The following ASCC2 variants were observed in gnomAD, a reference collection of about 807,000 sequenced individuals.
ASCC2 encodes the protein ASC-1 complex subunit P100.
Under a neutral mutation model 93.5 loss-of-function variants are expected in ASCC2, and 42 were observed. The observed-to-expected ratio is 0.45, with a 90% CI of 0.35 to 0.58. The LOEUF (loss-of-function observed/expected upper bound fraction) is 0.58, where lower values mean the gene tolerates loss of function less well. Among genes scored for constraint, ASCC2 ranks in the 20% least tolerant of loss-of-function variants. The pLI, the probability that ASCC2 is intolerant of heterozygous loss-of-function variation, is 0.00. For synonymous variants in ASCC2, 364 were observed against 384.2 expected, an observed-to-expected ratio of 0.95 and a Z score of 0.62; for missense variants, 859 against 977.6, an observed-to-expected ratio of 0.88 and a Z score of 1.62.
intron 6 of ASCC2, 120 bp downstream of exon 6, chr22:29,815,886 G>T: frequency 1.2e-6 from 1 of 801,984 alleles, no homozygotes; most frequent in South Asian, 1.6e-5. Context: ...GGGGAGATGC[G>T]AGAGTCAGGG....
intron 13 of ASCC2, 23 bp downstream of exon 13, chr22:29,804,615 A>G (rs2059465225): frequency 6.2e-7 from 1 of 1,608,046 alleles, no homozygotes. Flanking sequence ...GCGAAGAGGG[A>G]AAAGCGCCAC....
intron 8 of ASCC2, among the ~76,000 whole-genome samples, chr22:29,812,767 T>C (rs1424460493): frequency 6.6e-6 from 1 of 152,182 alleles, no homozygotes; most frequent in Non-Finnish European, 1.5e-5. Context: ...AAGATACCTG[T>C]TCCTTCAAGA....
chr22:29,822,247 G>A (rs1285665880), intron 5 of ASCC2, 88 bp downstream of exon 5: 4 of 1,557,974 alleles, frequency 2.6e-6, no homozygotes, highest in African/African-American at 1.4e-5. Flanking sequence ...GAGTCCCTGG[G>A]CACTGTCAAA....
intron 9 of ASCC2, among the ~76,000 whole-genome samples, chr22:29,807,410 G>T (rs1254327167): frequency 6.6e-6 from 1 of 152,142 alleles, no homozygotes; most frequent in African/African-American, 2.4e-5. Flanking sequence ...CTGCTTCCAG[G>T]GCTGCTTCTC....
chr22:29,791,114 A>G (rs889121025), intron 18 of ASCC2, among the ~76,000 whole-genome samples: 3 of 152,186 alleles, frequency 2.0e-5, no homozygotes, highest in African/African-American at 7.2e-5. Flanking sequence ...TGTAGTTTAC[A>G]TCTGTAATCC....
intron 8 of ASCC2, chr22:29,809,889 C>T (rs1176413070): frequency 1.3e-5 from 2 of 152,154 alleles, no homozygotes; most frequent in Admixed American, 1.3e-4. Flanking sequence ...GCTAGCAGCT[C>T]CCTACCTCTT....
In ASCC2 at chr22:29,801,977, C is replaced by T; in HGVS notation, c.1568+17G>A. The T allele has an allele frequency of 6.4e-7, 1 of 1,567,020 alleles. No homozygotes were observed. Among genetic ancestry groups the T allele is most frequent in the Non-Finnish European group, 8.7e-7 (1 of 1,154,506 alleles). ...CAGCCTGGGCAGCGGGAGCCTCCTCCCACCTGTCTCTCCCACCTGTCTAGG... is the reference window on the plus strand; with the variant it reads ...CAGCCTGGGCAGCGGGAGCCTCCTCTCACCTGTCTCTCCCACCTGTCTAGG... On this transcript the variant is annotated intron_variant, in intron 14 of 19. Transcript: ENST00000307790.
At chr22:29,835,208 G>C (rs2063624885) in intron 1 of ASCC2, among the ~76,000 whole-genome samples, 5 of 152,078 alleles carry the variant, frequency 3.3e-5, no homozygotes, top group Admixed American at 3.3e-4. Context: ...ACCAGCCTAA[G>C]CAACATAGTG....
chr22:29,823,014 C>T (rs2148181962), intron 4 of ASCC2, among the ~76,000 whole-genome samples: 1 of 151,154 alleles, frequency 6.6e-6, no homozygotes, highest in African/African-American at 2.4e-5. Context: ...GCCACAGTGC[C>T]CAGCCTCCCC....
intron 2 of ASCC2, among the ~76,000 whole-genome samples, chr22:29,828,837 T>G (rs1402471470): frequency 6.6e-6 from 1 of 152,200 alleles, no homozygotes; most frequent in African/African-American, 2.4e-5. Context: ...CATGCATGCA[T>G]ACAGATGGAA....
At chr22:29,816,206 C>T (rs896410380) in intron 5 of ASCC2, 133 bp from the exon 6 acceptor site, 16 of 739,090 alleles carry the variant, frequency 2.2e-5, no homozygotes, top group African/African-American at 8.7e-5. Context: ...CAGCTAGGAC[C>T]TAGGACGAGT....
intron 5 of ASCC2, 169 bp downstream of exon 5, chr22:29,822,166 C>T (rs1442784255): frequency 5.1e-6 from 4 of 786,862 alleles, no homozygotes; most frequent in African/African-American, 1.7e-5. Context: ...AGTGTCACTA[C>T]CTAGTCATTT....
chr22:29,838,134 G>A, intron 1 of ASCC2, 44 bp downstream of exon 1: 1 of 460,298 alleles, frequency 2.2e-6, no homozygotes, highest in Non-Finnish European at 4.4e-6. Flanking sequence ...GGCTCCTCCG[G>A]GGTCCCTTGC....
chr22:29,794,400 G>A (rs1007266774), intron 15 of ASCC2, among the ~76,000 whole-genome samples: 3 of 151,956 alleles, frequency 2.0e-5, no homozygotes, highest in Non-Finnish European at 4.4e-5. Flanking sequence ...GCTGAGCCAG[G>A]AGAATCGCTT....
intron 6 of ASCC2, among the ~76,000 whole-genome samples, chr22:29,814,987 G>A (rs2060671098): frequency 2.0e-5 from 3 of 152,208 alleles, no homozygotes; most frequent in African/African-American, 7.2e-5. Context: ...TTAAAGGAGG[G>A]CGAAGAGGAT....
chr22:29,823,825 C>CA (rs1207435850), intron 4 of ASCC2, among the ~76,000 whole-genome samples: 1 of 134,312 alleles, frequency 7.4e-6, no homozygotes, highest in Non-Finnish European at 1.6e-5. Flanking sequence ...CCAGCCTGGG[C>CA]AACAAGAGTG....
At chr22:29,833,377 G>A (rs552907616) in intron 1 of ASCC2, among the ~76,000 whole-genome samples, 1 of 152,258 alleles carries the variant, frequency 6.6e-6, no homozygotes, top group East Asian at 1.9e-4. Flanking sequence ...AACCTTTCTA[G>A]GCTTCAGGGA....
chr22:29,822,181 G>A, intron 5 of ASCC2, 154 bp downstream of exon 5: 15 of 922,100 alleles, frequency 1.6e-5, no homozygotes, highest in Non-Finnish European at 2.3e-5. Context: ...TCATTTTGAG[G>A]TGACACTCAT....
Position 29,821,842 on chromosome 22 carries a change from T to G in ASCC2, c.541+493A>C, listed in dbSNP as rs1385301980. 18 of 363,590 alleles carry G rather than the reference T, an allele frequency of 5.0e-5. No individual in the cohort carries two copies. In the East Asian group the frequency reaches 1.5e-3, roughly 31 times the overall value. 22.5% of individuals were successfully genotyped at this position (363,590 alleles called of 1,614,324 possible). The stretch of plus-strand genomic sequence containing the variant: ...AGACCCCATCTACTAAAAAAAATTT[T>G]TTTTTAATTCGCCAGGCATGGTGGT... On this transcript the variant is annotated intron_variant, in intron 5 of 19. Coordinates refer to ENST00000307790, the MANE Select transcript of ASCC2 (RefSeq NM_032204.5).
Sources: gnomAD v4.1 joint callset for allele counts (sites outside exome capture counted in the v4.1 genomes callset) on GRCh38, gnomAD v4.1.1 for gene constraint, MANE v1.5 for transcripts, NCBI Gene and HGNC (gene_info 2026-07-23, HGNC 2026-07-21) for gene names.